DSCAM: variants seen among roughly 807,000 people sequenced by gnomAD.
DSCAM encodes the protein cell adhesion molecule DSCAM.
Under a neutral mutation model 217.7 loss-of-function variants are expected in DSCAM, and 47 were observed. The observed-to-expected ratio is 0.22, with a 90% CI of 0.17 to 0.28. DSCAM has a LOEUF of 0.28. Ranked by LOEUF, DSCAM falls within the 10% of genes least tolerant of loss-of-function variation. The pLI, the probability that DSCAM is intolerant of heterozygous loss-of-function variation, is 1.00. For missense variants in DSCAM, 2,080 were observed against 2,618.3 expected, an observed-to-expected ratio of 0.79 and a Z score of 4.49; for synonymous variants, 1,056 against 1,015.3, an observed-to-expected ratio of 1.04 and a Z score of -0.76.
At chr21:40,759,941 T>C (rs2091313786) in intron 1 of DSCAM, among the ~76,000 whole-genome samples, 2 of 151,946 alleles carry the variant, frequency 1.3e-5, no homozygotes. Context: ...AATCAGGAGC[T>C]GTATTGGATA....
rs371877872 is a variant in DSCAM at position 40,266,267 on chromosome 21, T to C, written c.2356+9830A>G. ...GAAAAAACTGCTCAACATCACTAAC[T>C]ATTAGGGAAATGCCAATTAAAACCA... On this transcript the variant is annotated intron_variant, in intron 11 of 32. Coordinates refer to ENST00000400454, the MANE Select transcript of DSCAM (RefSeq NM_001389.5). 3.8e-4 allele frequency among the ~76,000 whole-genome samples: 58 copies of C among 152,138 alleles called. No individual in the cohort carries two copies. In the South Asian group the frequency reaches 8.5e-3, roughly 22 times the overall value.
chr21:40,810,028 A>C (rs930335858), intron 1 of DSCAM, among the ~76,000 whole-genome samples: 1 of 152,176 alleles, frequency 6.6e-6, no homozygotes, highest in Non-Finnish European at 1.5e-5. Context: ...AGCCGTCCCC[A>C]CCACCTGCTG....
intron 1 of DSCAM, among the ~76,000 whole-genome samples, chr21:40,785,804 T>C (rs551144163): frequency 6.6e-6 from 1 of 152,332 alleles, no homozygotes; most frequent in Admixed American, 6.5e-5. Flanking sequence ...CCTCAGAGAA[T>C]TTACAGTCCA....
intron 1 of DSCAM, among the ~76,000 whole-genome samples, chr21:40,773,543 T>C (rs145728991): frequency 9.3e-4 from 142 of 152,298 alleles, no homozygotes; most frequent in African/African-American, 3.2e-3. Context: ...AAATACTCTA[T>C]TTCAAAATAA....
At chr21:40,136,974 A>T (rs1038396670) in intron 18 of DSCAM, among the ~76,000 whole-genome samples, 1 of 152,030 alleles carries the variant, frequency 6.6e-6, no homozygotes, top group Non-Finnish European at 1.5e-5. Context: ...AGACATCGAG[A>T]CCATCCTGGC....
At chr21:40,840,211 C>A (rs530728232) in intron 1 of DSCAM, among the ~76,000 whole-genome samples, 7 of 151,914 alleles carry the variant, frequency 4.6e-5, no homozygotes, top group African/African-American at 1.7e-4. Flanking sequence ...TTTGAATCTG[C>A]AAAATAAGAA....
chr21:40,817,678 T>C (rs1035766412), intron 1 of DSCAM, among the ~76,000 whole-genome samples: 2 of 152,250 alleles, frequency 1.3e-5, no homozygotes, highest in South Asian at 2.1e-4. Context: ...AAGCATTTTG[T>C]TCTCAAGGCT....
chr21:40,474,853 C>G (rs1196986147), intron 3 of DSCAM, among the ~76,000 whole-genome samples: 1 of 152,094 alleles, frequency 6.6e-6, no homozygotes, highest in Non-Finnish European at 1.5e-5. Flanking sequence ...CTGAGGGTTC[C>G]CACGACGAGA....
At chr21:40,123,510 C>T (rs2090057837) in intron 20 of DSCAM, among the ~76,000 whole-genome samples, 1 of 152,020 alleles carries the variant, frequency 6.6e-6, no homozygotes, top group Admixed American at 6.6e-5. Flanking sequence ...TTAAAATTTC[C>T]CTTTTTGATA....
At chr21:40,802,917 G>A (rs2091754886) in intron 1 of DSCAM, among the ~76,000 whole-genome samples, 1 of 152,148 alleles carries the variant, frequency 6.6e-6, no homozygotes, top group Non-Finnish European at 1.5e-5. Context: ...TGGATATCCT[G>A]GGGAAGTGAC....
chr21:40,258,125 G>C, intron 11 of DSCAM, among the ~76,000 whole-genome samples: 1 of 152,226 alleles, frequency 6.6e-6, no homozygotes, highest in South Asian at 2.1e-4. Context: ...CTGCATCTCC[G>C]GGGAGAAAGT....
intron 3 of DSCAM, among the ~76,000 whole-genome samples, chr21:40,508,734 AATATATATATATATATATAT>A (rs760072956): frequency 6.5e-4 from 30 of 45,852 alleles, no homozygotes; most frequent in African/African-American, 1.7e-3. Flanking sequence ...ACACCCGGCA[AATATATATATATATATATAT>A]ATATATATAT....
rs2091736579 is a variant in DSCAM at position 40,801,094 on chromosome 21, G to T, written c.43+45525C>A. On this transcript the variant is annotated intron_variant, in intron 1 of 32. Coordinates refer to ENST00000400454, the MANE Select transcript of DSCAM (RefSeq NM_001389.5). Reference sequence around the variant, plus strand: ...AGCCTCCCAAGTAGCTGGGATTACAGGTGCCCACCCCTACACCTGGATAAT... The same window carrying T: ...AGCCTCCCAAGTAGCTGGGATTACATGTGCCCACCCCTACACCTGGATAAT... Among the ~76,000 whole-genome samples, 3 of 151,914 alleles carry T rather than the reference G, an allele frequency of 2.0e-5. No individual in the cohort carries two copies. In the South Asian group the frequency reaches 6.3e-4, roughly 32 times the overall value.
chr21:40,086,460 A>C (rs118015985), intron 22 of DSCAM, among the ~76,000 whole-genome samples: 1,861 of 152,256 alleles, frequency 0.012, 24 homozygotes, highest in South Asian at 0.024. Flanking sequence ...TGGTCACTAC[A>C]CCAAGCCATT....
At chr21:40,512,011 G>A (rs368548118) in intron 3 of DSCAM, among the ~76,000 whole-genome samples, 8 of 38,366 alleles carry the variant, frequency 2.1e-4, no homozygotes, top group African/African-American at 3.9e-4. Context: ...AAAAAAAAAA[G>A]TATTCTATTT....
intron 3 of DSCAM, among the ~76,000 whole-genome samples, chr21:40,390,270 G>A (rs878928660): frequency 6.6e-6 from 1 of 152,146 alleles, no homozygotes; most frequent in Non-Finnish European, 1.5e-5. Context: ...ACTGCACAGG[G>A]GTAAAAAGTG....
At chr21:40,823,535 A>T (rs1250568367) in intron 1 of DSCAM, among the ~76,000 whole-genome samples, 1 of 152,134 alleles carries the variant, frequency 6.6e-6, no homozygotes, top group Admixed American at 6.5e-5. Flanking sequence ...CATAACAAAA[A>T]ATATAAATAT....
At chr21:40,228,559 C>A (rs1391751845) in intron 11 of DSCAM, among the ~76,000 whole-genome samples, 1 of 152,018 alleles carries the variant, frequency 6.6e-6, no homozygotes, top group African/African-American at 2.4e-5. Context: ...ACTGGGAACT[C>A]CTTCAGGTGG....
chr21:40,062,259 T>C lies in DSCAM; in HGVS notation c.4919+610A>G, dbSNP rs184031188. On this transcript the variant is annotated intron_variant, in intron 28 of 32. Coordinates refer to ENST00000400454, the MANE Select transcript of DSCAM (RefSeq NM_001389.5). ...TTTCTGTCTTCCACAGTTGTGAACA[T>C]TCTCGTACTCATTCAATAACCACTC... 3.3e-5 allele frequency among the ~76,000 whole-genome samples: 5 copies of C among 152,314 alleles called. No homozygotes were observed. In the East Asian group the frequency reaches 9.7e-4, roughly 29 times the overall value.
Sources: allele counts gnomAD v4.1 joint callset (sites outside exome capture counted in the v4.1 genomes callset), GRCh38; gene constraint gnomAD v4.1.1; transcripts MANE v1.5; gene names NCBI Gene and HGNC (gene_info 2026-07-23, HGNC 2026-07-21).